RFX8: variants seen among roughly 807,000 people sequenced by gnomAD.
RFX8 encodes the protein DNA-binding protein RFX8.
RFX8 carries 46 observed loss-of-function variants against 54.6 expected under a neutral mutation model. That is an observed-to-expected ratio of 0.84 (90% CI 0.67 to 1.08). The LOEUF (loss-of-function observed/expected upper bound fraction) is 1.08. Ranked by LOEUF, RFX8 falls within the 50% of genes least tolerant of loss-of-function variation. The pLI is 0.00. For synonymous variants in RFX8, 192 were observed against 209.5 expected, an observed-to-expected ratio of 0.92 and a Z score of 0.72; for missense variants, 536 against 562.3, an observed-to-expected ratio of 0.95 and a Z score of 0.47.
chr2:101,461,120 A>G lies in RFX8; in HGVS notation c.72+5657T>C, dbSNP rs112810310. Among the ~76,000 whole-genome samples the G allele has an allele frequency of 5.6e-3, 844 of 151,738 alleles. 6 individuals carry two copies. The highest frequency in any genetic ancestry group is 0.019 in the African/African-American group (775 of 41,400). On this transcript the variant is annotated intron_variant, in intron 2 of 11. Coordinates refer to ENST00000428343, the MANE Select transcript of RFX8 (RefSeq NM_001145664.2). The stretch of plus-strand genomic sequence containing the variant: ...CATCTCTACTAAAATACAAAAAAAA[A>G]TTGCCGGGCATGGTAGCGGGCACCT...
At position 101,439,596 on chromosome 2, in the gene RFX8, C is replaced by CTTTTTTTTTTTTTTT. The variant is rs139433618; in HGVS notation, c.73-17125_73-17124insAAAAAAAAAAAAAAA. Among the ~76,000 whole-genome samples the CTTTTTTTTTTTTTTT allele has an allele frequency of 1.4e-5, 2 of 143,604 alleles. 1 individual carries two copies. Among genetic ancestry groups the CTTTTTTTTTTTTTTT allele is most frequent in the Non-Finnish European group, 3.0e-5 (2 of 66,110 alleles). 94.2% of individuals were successfully genotyped at this position (143,604 alleles called of 152,430 possible). Reference sequence around the variant, plus strand: ...ACATTATGAAGATTAGATTGAAGTTCATTTTTTTTTTTTTGCCTGTGGGTT... The same window carrying CTTTTTTTTTTTTTTT: ...ACATTATGAAGATTAGATTGAAGTTCTTTTTTTTTTTTTTTATTTTTTTTTTTTTGCCTGTGGGTT... On this transcript the variant is annotated intron_variant, in intron 2 of 11. Transcript: ENST00000428343.
rs575391283 is a variant in RFX8, at chr2:101,464,712, T to C, written c.72+2065A>G. On this transcript the variant is annotated intron_variant, in intron 2 of 11. Transcript: ENST00000428343. ...GGAATTCTAAAGGAATCCGAGAGTA[T>C]TGAGATAAAAAATGCCTCCTAGCTG... Among the ~76,000 whole-genome samples, 7 of 152,280 alleles carry C rather than the reference T, an allele frequency of 4.6e-5. 1 individual carries two copies. Among genetic ancestry groups the C allele is most frequent in the African/African-American group, 1.7e-4 (7 of 41,564 alleles).
At chr2:101,428,153 C>T (rs1013990760) in intron 2 of RFX8, among the ~76,000 whole-genome samples, 3 of 152,184 alleles carry the variant, frequency 2.0e-5, no homozygotes, top group South Asian at 2.1e-4. Context: ...AATTAGCCGG[C>T]GTGGTTGCAG....
At position 101,422,606 on chromosome 2, in the gene RFX8, T is replaced by C. The variant is rs74695890; in HGVS notation, c.73-134A>G. 4.3e-3 allele frequency: 2,539 copies of C among 586,404 alleles called. 9 individuals carry two copies. The highest frequency in any genetic ancestry group is 8.8e-3 in the Admixed American group (290 of 32,834). 36.3% of individuals were successfully genotyped at this position (586,404 alleles called of 1,614,324 possible). ...TTAGCCACACCTCTGCACACATTAC[T>C]GATTCCAGCAGCTTTCCTCTCATAT... On this transcript the variant is annotated intron_variant, in intron 2 of 11. Transcript: ENST00000428343.
intron 2 of RFX8, among the ~76,000 whole-genome samples, chr2:101,429,781 G>C (rs1687384513): frequency 6.6e-6 from 1 of 152,196 alleles, no homozygotes; most frequent in African/African-American, 2.4e-5. Flanking sequence ...ACATAAAAAA[G>C]AGAAGAGGAA....
At chr2:101,425,465 T>G (rs1687117591) in intron 2 of RFX8, among the ~76,000 whole-genome samples, 1 of 152,214 alleles carries the variant, frequency 6.6e-6, no homozygotes, top group Non-Finnish European at 1.5e-5. Flanking sequence ...CTTTATCGAA[T>G]GCTACAGAAA....
chr2:101,411,293 G>A (rs1192250220), intron 8 of RFX8, among the ~76,000 whole-genome samples: 2 of 152,358 alleles, frequency 1.3e-5, no homozygotes, highest in East Asian at 3.9e-4. Flanking sequence ...TTGGAAAACT[G>A]AGTCGGTTGC....
intron 9 of RFX8, among the ~76,000 whole-genome samples, chr2:101,408,125 C>T (rs1237755585): frequency 2.0e-5 from 3 of 152,274 alleles, no homozygotes; most frequent in African/African-American, 4.8e-5. Context: ...AAACACATAG[C>T]GCTCTGTGGT....
At chr2:101,451,647 C>A (rs1688686200) in intron 2 of RFX8, among the ~76,000 whole-genome samples, 1 of 148,608 alleles carries the variant, frequency 6.7e-6, no homozygotes, top group Non-Finnish European at 1.5e-5. Flanking sequence ...CATGATCACG[C>A]CATTGCACTC....
At chr2:101,418,803 G>T in intron 5 of RFX8, 48 bp downstream of exon 5, 1 of 1,231,522 alleles carries the variant, frequency 8.1e-7, no homozygotes, top group Non-Finnish European at 1.2e-6. Context: ...AGCATTTGCT[G>T]CCAATTTCTG....
chr2:101,473,429 A>G (rs1398558936), intron 1 of RFX8, among the ~76,000 whole-genome samples: 3 of 152,168 alleles, frequency 2.0e-5, no homozygotes, highest in African/African-American at 7.2e-5. Context: ...CTCATTGAAG[A>G]TAAGACATGT....
Position 101,418,948 on chromosome 2 carries a change from G to C in RFX8, c.254C>G (p.Thr85Ser), listed in dbSNP as rs147102001. ...DILRNVEDLL[T>S]SFWKSLQQDT... ...TTGCTGCAGAGACTTCCAGAAGGAA[G>C]TAAGCAAGTCCTCCACCTGGGGTAA... The change falls in exon 5 of 12, where the codon ACT becomes AGT. Residue 85 changes from threonine (T) to serine (S), a missense_variant. Thr to Ser is a moderately conservative substitution (Grantham distance 58). Transcript: ENST00000428343. 1.8e-4 allele frequency: 277 copies of C among 1,548,774 alleles called. No individual in the cohort carries two copies. The African/African-American group carries it at 3.1e-3, about 17-fold the overall frequency.
At chr2:101,419,847 G>A (rs920378452) in intron 4 of RFX8, among the ~76,000 whole-genome samples, 1 of 152,156 alleles carries the variant, frequency 6.6e-6, no homozygotes, top group Non-Finnish European at 1.5e-5. Flanking sequence ...TACAACACAG[G>A]GTGTAGCAAT....
chr2:101,409,261 C>T (rs930883433), intron 9 of RFX8, among the ~76,000 whole-genome samples: 22 of 152,136 alleles, frequency 1.4e-4, no homozygotes, highest in African/African-American at 3.4e-4. Flanking sequence ...GTTGCTCTGC[C>T]GCCCAGGCTG....
intron 2 of RFX8, among the ~76,000 whole-genome samples, chr2:101,435,509 C>A (rs1283821833): frequency 3.9e-5 from 6 of 152,170 alleles, no homozygotes; most frequent in South Asian, 2.1e-4. Context: ...AGGTTAATTA[C>A]AAAGAGCTGT....
intron 8 of RFX8, among the ~76,000 whole-genome samples, chr2:101,412,130 A>C (rs748576664): frequency 4.6e-5 from 7 of 152,186 alleles, no homozygotes; most frequent in Non-Finnish European, 8.8e-5. Flanking sequence ...GCATCTTGGC[A>C]GCGAGTGTTT....
intron 2 of RFX8, chr2:101,452,517 C>A (rs912556414): frequency 4.6e-6 from 3 of 647,064 alleles, no homozygotes; most frequent in Non-Finnish European, 6.8e-6. Context: ...TTTTATCTTA[C>A]AATATTTAAA....
At chr2:101,419,167 G>C (rs1449368564) in intron 4 of RFX8, among the ~76,000 whole-genome samples, 1 of 152,176 alleles carries the variant, frequency 6.6e-6, no homozygotes, top group African/African-American at 2.4e-5. Flanking sequence ...CTGCCAGTTG[G>C]ATGGGATAAT....
In RFX8 at chr2:101,414,941, A is replaced by C. The variant is rs531816533; in HGVS notation, c.503-29T>G. ...TTAAGAACAACACACGTGGCCATTA[A>C]TACAATAACTTCAAGTTCTCATGTG... is the stretch of plus-strand genomic sequence containing the variant. On this transcript the variant is annotated intron_variant, in intron 6 of 11. Transcript: ENST00000428343. 13 of 1,512,560 alleles carry C rather than the reference A, an allele frequency of 8.6e-6. No individual in the cohort carries two copies. The South Asian group carries it at 1.4e-4, about 17-fold the overall frequency. 93.7% of individuals were successfully genotyped at this position (1,512,560 alleles called of 1,614,324 possible).
Sources: allele counts gnomAD v4.1 joint callset (sites outside exome capture counted in the v4.1 genomes callset), GRCh38; gene constraint gnomAD v4.1.1; transcripts MANE v1.5; gene names NCBI Gene and HGNC (gene_info 2026-07-23, HGNC 2026-07-21).